Variants in GFAP observed in about 807,000 individuals in gnomAD.
GFAP encodes the protein glial fibrillary acidic protein.
Under a neutral mutation model 49.3 loss-of-function variants are expected in GFAP, and 38 were observed. The ratio of observed to expected loss-of-function variants is 0.77; its 90% CI spans 0.60 to 1.01. The LOEUF is 1.01. GFAP is among the 50% of genes least tolerant of loss of function. GFAP has a pLI of 0.00. For missense variants in GFAP, 463 were observed against 579.1 expected, an observed-to-expected ratio of 0.80 and a Z score of 2.06; for synonymous variants, 222 against 236.4, an observed-to-expected ratio of 0.94 and a Z score of 0.56.
intron 4 of GFAP, 56 bp downstream of exon 4, chr17:44,913,213 G>A (rs2051813238): frequency 2.6e-6 from 4 of 1,548,314 alleles, no homozygotes; most frequent in South Asian, 1.1e-5. Context: ...CCATTCTCTT[G>A]TACAGAGCAA....
At position 44,915,117 on chromosome 17, in the gene GFAP, G is replaced by A. The variant is rs780877810; in HGVS notation, c.370C>T (p.Arg124Trp). ...GCGGTGAGTTGATCGAGCCGCAGCC[G>A]CAGCTCTCGCAGCTCAGCCTGGTAG... ...DVYQAELREL[R>W]LRLDQLTANS... The change falls in exon 1 of 9, where the codon CGG (arginine) becomes TGG (tryptophan). Residue 124 changes from arginine (R) to tryptophan (W), a missense_variant. Arg to Trp is a moderately radical substitution (Grantham distance 101, BLOSUM62 -3). Transcript: ENST00000588735. The surrounding 1 kb of genome is among the most constrained non-coding windows in gnomAD (Gnocchi z 4.1). 2 of 1,613,888 alleles carry A rather than the reference G, an allele frequency of 1.2e-6. No homozygotes were observed. The highest frequency in any genetic ancestry group is 1.1e-5 in the South Asian group (1 of 91,074).
In GFAP at chr17:44,905,383, G is replaced by GAA. The variant is rs1430045519; in HGVS notation, c.*1962_*1963dup. 6.5e-6 allele frequency: 2 copies of GAA among 306,776 alleles called. No homozygotes were observed. Among genetic ancestry groups the GAA allele is most frequent in the Non-Finnish European group, 1.3e-5 (2 of 156,228 alleles). 19.0% of individuals were successfully genotyped at this position (306,776 alleles called of 1,614,324 possible). A position where few individuals can be genotyped will look rare whatever the true frequency, so the allele number is the denominator to read the frequency against. ...CCAGTGGTAAACACTGATCAGTGTT[G>GAA]AATCATGTTTGAGCTGCTTTGCTTT... On this transcript the variant is annotated 3_prime_UTR_variant, in exon 9 of 9. Coordinates refer to ENST00000588735, the MANE Select transcript of GFAP (RefSeq NM_002055.5).
chr17:44,915,467 G>T lies in GFAP; in HGVS notation c.20C>A (p.Thr7Asn), dbSNP rs748191931. The change falls in exon 1 of 9, where the codon ACC becomes AAC. Residue 7 changes from threonine to asparagine, a missense_variant. Thr to Asn is a moderately conservative substitution (Grantham distance 65). Coordinates refer to ENST00000588735, the MANE Select transcript of GFAP (RefSeq NM_002055.5). The surrounding 1 kb of genome is among the most constrained non-coding windows in gnomAD (Gnocchi z 4.1). ...GACGTAGGAGCGGCGAGCAGCGGAG[G>T]TGATGCGTCTCCTCTCCATCCTGCT... is the stretch of plus-strand genomic sequence containing the variant. MERRRI[T>N]SAARRSYVSS... The T allele has an allele frequency of 2.5e-6, 4 of 1,591,800 alleles. No homozygotes were observed. In the Admixed American group the frequency reaches 7.0e-5, roughly 28 times the overall value.
Position 44,913,833 on chromosome 17 carries a change from C to T in GFAP, c.523-10G>A. Reference sequence around the variant, plus strand: ...TGGCTTCATCTGCTTCCTGGAGTGGCAGGAGGGGTGAGGAGTAGAGGGCCA... The same window carrying T: ...TGGCTTCATCTGCTTCCTGGAGTGGTAGGAGGGGTGAGGAGTAGAGGGCCA... On this transcript the variant is annotated splice_polypyrimidine_tract_variant and intron_variant, in intron 2 of 8. Coordinates refer to ENST00000588735, the MANE Select transcript of GFAP (RefSeq NM_002055.5). The T allele has an allele frequency of 6.2e-7, 1 of 1,610,462 alleles. No individual in the cohort carries two copies. The highest frequency in any genetic ancestry group is 8.5e-7 in the Non-Finnish European group (1 of 1,176,660).
Position 44,904,676 on chromosome 17 carries a change from C to T in GFAP, c.*2671G>A. On this transcript the variant is annotated 3_prime_UTR_variant, in exon 9 of 9. Transcript: ENST00000588735. ...TCAGTTCCACCAGCAGAGACTGGGC[C>T]ATGGACTCATCATCTCCTGTCCTGG... 1.9e-6 allele frequency: 3 copies of T among 1,550,552 alleles called. No individual in the cohort carries two copies. Among genetic ancestry groups the T allele is most frequent in the Non-Finnish European group, 2.6e-6 (3 of 1,146,984 alleles).
chr17:44,905,187 C>T lies in GFAP; in HGVS notation c.*2160G>A. 1 of 765,048 alleles carries T rather than the reference C, an allele frequency of 1.3e-6. No homozygotes were observed. Among genetic ancestry groups the T allele is most frequent in the Non-Finnish European group, 2.1e-6 (1 of 472,424 alleles). 47.4% of individuals were successfully genotyped at this position (765,048 alleles called of 1,614,324 possible). A position where few individuals can be genotyped will look rare whatever the true frequency, so the allele number is the denominator to read the frequency against. ...AGGTGGTAGGAACATGTGGACAAAT[C>T]TGTTACAGCCTGCTCCCCATTTTCA... On this transcript the variant is annotated 3_prime_UTR_variant, in exon 9 of 9. Transcript: ENST00000588735.
At chr17:44,914,919 C>T (rs180734665) in intron 1 of GFAP, 107 bp downstream of exon 1, 330 of 957,980 alleles carry the variant, frequency 3.4e-4, no homozygotes, top group Non-Finnish European at 4.9e-4. Context: ...GTAGGGAGGC[C>T]CAGGGAGCAG....
At position 44,905,199 on chromosome 17, in the gene GFAP, G is replaced by C. The variant is rs1318033298; in HGVS notation, c.*2148C>G. The stretch of plus-strand genomic sequence containing the variant: ...CATGTGGACAAATCTGTTACAGCCT[G>C]CTCCCCATTTTCATGGGCAGGTCTG... On this transcript the variant is annotated 3_prime_UTR_variant, in exon 9 of 9. Coordinates refer to ENST00000588735, the MANE Select transcript of GFAP (RefSeq NM_002055.5). 5.4e-6 allele frequency: 4 copies of C among 735,290 alleles called. No homozygotes were observed. The highest frequency in any genetic ancestry group is 1.8e-5 in the African/African-American group (1 of 55,988). The allele number at this position is 735,290 out of a possible 1,614,324, so 45.5% of individuals were successfully genotyped here.
At position 44,903,598 on chromosome 17, in the gene GFAP, T is replaced by TC. The variant is rs200686466; in HGVS notation, c.*3748dup. On this transcript the variant is annotated 3_prime_UTR_variant, in exon 9 of 9. Coordinates refer to ENST00000588735, the MANE Select transcript of GFAP (RefSeq NM_002055.5). The stretch of plus-strand genomic sequence containing the variant: ...TAAAGGCCAGGTTCTAGAATGGCTT[T>TC]CCCCCCCCACCCTGAGATCAGGTCT... The TC allele has an allele frequency of 1.5e-4, 210 of 1,399,846 alleles. No homozygotes were observed. The highest frequency in any genetic ancestry group is 5.3e-4 in the Admixed American group (16 of 30,470). 86.7% of individuals were successfully genotyped at this position (1,399,846 alleles called of 1,614,324 possible).
At chr17:44,914,296 G>A in intron 1 of GFAP, 1 of 585,898 alleles carries the variant, frequency 1.7e-6, no homozygotes, top group Non-Finnish European at 3.1e-6. Context: ...CATTACTAAG[G>A]TGCCTTATCA....
intron 7 of GFAP, chr17:44,909,463 C>T (rs907717051): frequency 6.6e-6 from 1 of 152,222 alleles, no homozygotes; most frequent in Non-Finnish European, 1.5e-5. Context: ...ATTACCTCTA[C>T]TAGTCAGCCT....
rs2051636223 is a variant in GFAP at position 44,905,176 on chromosome 17, T to C, written c.*2171A>G. 1.2e-6 allele frequency: 1 copy of C among 864,350 alleles called. No individual in the cohort carries two copies. The highest frequency in any genetic ancestry group is 2.7e-5 in the East Asian group (1 of 37,432). 53.5% of individuals were successfully genotyped at this position (864,350 alleles called of 1,614,324 possible). On this transcript the variant is annotated 3_prime_UTR_variant, in exon 9 of 9. Coordinates refer to ENST00000588735, the MANE Select transcript of GFAP (RefSeq NM_002055.5). The stretch of plus-strand genomic sequence containing the variant: ...TGGGTTGGGACAGGTGGTAGGAACA[T>C]GTGGACAAATCTGTTACAGCCTGCT...
At chr17:44,912,626 C>G (rs2051800700) in intron 4 of GFAP, 1 of 157,874 alleles carries the variant, frequency 6.3e-6, no homozygotes, top group Non-Finnish European at 1.4e-5. Flanking sequence ...AATGGCCCTC[C>G]CTTCTTCTCT....
chr17:44,910,286 C>CA (rs752227413), intron 7 of GFAP: 8 of 1,613,786 alleles, frequency 5.0e-6, no homozygotes, highest in Non-Finnish European at 6.8e-6. Flanking sequence ...GTTAAAAAAA[C>CA]AAAAACAGAA....
In GFAP at chr17:44,904,605, A is replaced by G. The variant is rs1226575062; in HGVS notation, c.*2742T>C. Reference sequence around the variant, plus strand: ...GAGGGCGTGCTGGCCATCATTAACTATGTGTCCAAAGTGGGCAGCCGGCCC... The same window carrying G: ...GAGGGCGTGCTGGCCATCATTAACTGTGTGTCCAAAGTGGGCAGCCGGCCC... On this transcript the variant is annotated 3_prime_UTR_variant, in exon 9 of 9. Coordinates refer to ENST00000588735, the MANE Select transcript of GFAP (RefSeq NM_002055.5). 2 of 1,550,328 alleles carry G rather than the reference A, an allele frequency of 1.3e-6. No individual in the cohort carries two copies. Among genetic ancestry groups the G allele is most frequent in the Admixed American group, 3.9e-5 (2 of 50,980 alleles).
intron 7 of GFAP, chr17:44,908,355 C>CCA: frequency 6.0e-5 from 32 of 533,966 alleles, no homozygotes; most frequent in South Asian, 1.0e-4. Context: ...GCTGCTCTGT[C>CCA]TTCTGGCCTG....
intron 4 of GFAP, 101 bp from the exon 5 acceptor site, chr17:44,911,898 T>G (rs2051780989): frequency 1.4e-5 from 19 of 1,394,756 alleles, no homozygotes; most frequent in Non-Finnish European, 1.9e-5. Context: ...CCCCAGGACG[T>G]TGGCCCTGGC....
rs1286899232 is a variant in GFAP at position 44,907,205 on chromosome 17, T to A, written c.*142A>T. On this transcript the variant is annotated 3_prime_UTR_variant, in exon 9 of 9. Transcript: ENST00000588735. ...CGGAGCCTAGGGCAGCAAGCTGACC[T>A]AGGGACAGAGGAGGGAGGGGAGCAG... 8 of 784,852 alleles carry A rather than the reference T, an allele frequency of 1.0e-5. No individual in the cohort carries two copies. In the East Asian group the frequency reaches 2.1e-4, roughly 20 times the overall value. 48.6% of individuals were successfully genotyped at this position (784,852 alleles called of 1,614,324 possible).
Position 44,907,298 on chromosome 17 carries a change from G to A in GFAP, c.*49C>T. On this transcript the variant is annotated 3_prime_UTR_variant, in exon 9 of 9. Coordinates refer to ENST00000588735, the MANE Select transcript of GFAP (RefSeq NM_002055.5). Reference sequence around the variant, plus strand: ...GAGGCGGAGCAACTATCCTGCTTCTGCTCGGGCCCCTCATGAGACGGGGCA... The same window carrying A: ...GAGGCGGAGCAACTATCCTGCTTCTACTCGGGCCCCTCATGAGACGGGGCA... 1 of 1,583,504 alleles carries A rather than the reference G, an allele frequency of 6.3e-7. No individual in the cohort carries two copies. The highest frequency in any genetic ancestry group is 1.1e-5 in the South Asian group (1 of 90,428).
Sources: allele counts gnomAD v4.1 joint callset, GRCh38; gene constraint gnomAD v4.1.1; non-coding constraint Gnocchi (gnomAD v3.1); transcripts MANE v1.5; gene names NCBI Gene and HGNC (gene_info 2026-07-23, HGNC 2026-07-21).